The following NAV3 variants were observed in gnomAD, a reference collection of about 807,000 sequenced individuals.
The protein encoded by NAV3 is neuron navigator 3.
Under a neutral mutation model 244.7 loss-of-function variants are expected in NAV3, and 87 were observed. The ratio of observed to expected loss-of-function variants is 0.36; its 90% CI spans 0.30 to 0.42. The LOEUF (loss-of-function observed/expected upper bound fraction) is 0.42, where lower values mean the gene tolerates loss of function less well. Among genes scored for constraint, NAV3 ranks in the 20% least tolerant of loss-of-function variants. The pLI is 1.00. For synonymous variants in NAV3, 1,126 were observed against 1,042.2 expected (o/e 1.08, Z -1.55); for missense variants, 2,663 against 2,893.3 (o/e 0.92, Z 1.83).
intron 3 of NAV3, among the ~76,000 whole-genome samples, chr12:77,943,655 G>C (rs554608422): frequency 2.6e-5 from 4 of 152,172 alleles, no homozygotes; most frequent in Non-Finnish European, 5.9e-5. Flanking sequence ...ACTCCAAACA[G>C]GATGTTGCCT....
rs142165953 is a variant in NAV3 at position 77,746,406 on chromosome 12, G to A, written c.72+174140G>A. ...ACCTGTTTCGTATAAACAGTGATGAGGGCATTGTAAAAATGGGTTTCCTGG... is the reference window on the plus strand; with the variant it reads ...ACCTGTTTCGTATAAACAGTGATGAAGGCATTGTAAAAATGGGTTTCCTGG... On this transcript the variant is annotated intron_variant, in intron 2 of 8. Coordinates refer to the NAV3 transcript ENST00000550042. Among the ~76,000 whole-genome samples, 4 of 152,216 alleles carry A rather than the reference G, an allele frequency of 2.6e-5. No homozygotes were observed. The East Asian group carries it at 7.7e-4, about 29-fold the overall frequency.
chr12:78,007,137 A>G lies in NAV3; in HGVS notation c.1599A>G (p.Lys533=), dbSNP rs2136588129. The stretch of plus-strand genomic sequence containing the variant: ...GTGGTATTCCAAAACCAGGCTCTAA[A>G]GTTCCAACAGTAAAGCAAACCATTT... ...SSSGIPKPGS[K]VPTVKQTISP... Residue 533 remains lysine, a synonymous_variant, in exon 8 of 40, where the codon AAA becomes AAG. Coordinates refer to ENST00000397909, the MANE Select transcript of NAV3 (RefSeq NM_001024383.2). 6.2e-7 allele frequency: 1 copy of G among 1,614,138 alleles called. No homozygotes were observed. Among genetic ancestry groups the G allele is most frequent in the Non-Finnish European group, 8.5e-7 (1 of 1,180,032 alleles).
chr12:77,612,737 A>G (rs1870971493), intron 2 of NAV3, among the ~76,000 whole-genome samples: 2 of 152,006 alleles, frequency 1.3e-5, no homozygotes, highest in Non-Finnish European at 2.9e-5. Flanking sequence ...TAAAATGCCA[A>G]CCCCTTCAGT....
intron 4 of NAV3, 21 bp from the exon 5 acceptor site, chr12:77,968,498 T>C (rs767152967): frequency 2.5e-6 from 4 of 1,582,432 alleles, no homozygotes; most frequent in Admixed American, 1.7e-5. Context: ...ATTCTTTTTT[T>C]GTATTTTTCA....
intron 12 of NAV3, among the ~76,000 whole-genome samples, chr12:78,110,191 A>C (rs1050509391): frequency 6.6e-6 from 1 of 152,092 alleles, no homozygotes; most frequent in African/African-American, 2.4e-5. Flanking sequence ...GATCCCATTT[A>C]AATTAGCTAC....
chr12:77,903,017 T>C (rs1284705440), intron 1 of NAV3, among the ~76,000 whole-genome samples: 1 of 152,190 alleles, frequency 6.6e-6, no homozygotes, highest in Non-Finnish European at 1.5e-5. Flanking sequence ...TGGAAGCACA[T>C]TCCATGCTCA....
rs542053272 is a variant in NAV3, at chr12:78,090,162, T to C, written c.2637-26610T>C. On this transcript the variant is annotated intron_variant, in intron 12 of 39. Coordinates refer to ENST00000397909, the MANE Select transcript of NAV3 (RefSeq NM_001024383.2). ...TCCTCCCCCTGCCCAAATACATACA[T>C]ATATATATGTGTAAATATATATGTG... Among the ~76,000 whole-genome samples the C allele has an allele frequency of 1.7e-4, 25 of 150,160 alleles. No homozygotes were observed. The South Asian group carries it at 4.8e-3, about 29-fold the overall frequency.
At chr12:77,575,637 T>C (rs1869046125) in intron 2 of NAV3, among the ~76,000 whole-genome samples, 1 of 152,136 alleles carries the variant, frequency 6.6e-6, no homozygotes, top group South Asian at 2.1e-4. Context: ...CAGTGAAAGC[T>C]CAATAGTTAC....
At chr12:78,024,426 T>C (rs1459327344) in intron 9 of NAV3, among the ~76,000 whole-genome samples, 2 of 152,180 alleles carry the variant, frequency 1.3e-5, no homozygotes, top group African/African-American at 4.8e-5. Flanking sequence ...TTTTCTCAAA[T>C]GTCCGACATC....
chr12:78,125,067 C>A (rs988844348), intron 16 of NAV3, among the ~76,000 whole-genome samples: 4 of 152,036 alleles, frequency 2.6e-5, no homozygotes, highest in Non-Finnish European at 5.9e-5. Context: ...CTTTCAAGTA[C>A]ATTTAAGAAA....
intron 2 of NAV3, among the ~76,000 whole-genome samples, chr12:77,634,723 A>C (rs11106054): frequency 6.6e-6 from 1 of 152,252 alleles, no homozygotes; most frequent in East Asian, 1.9e-4. Flanking sequence ...CTTATGTATT[A>C]AAAAAATTCA....
chr12:77,620,355 T>G (rs1020773549), intron 2 of NAV3, among the ~76,000 whole-genome samples: 72 of 152,336 alleles, frequency 4.7e-4, no homozygotes, highest in African/African-American at 1.7e-3. Context: ...ATGCTGGACA[T>G]AGTTGCTGAG....
chr12:78,083,817 C>T (rs528378548), intron 12 of NAV3, among the ~76,000 whole-genome samples: 5 of 152,244 alleles, frequency 3.3e-5, no homozygotes, highest in African/African-American at 9.6e-5. Context: ...ATACTTAACT[C>T]GTCAGAATCC....
intron 5 of NAV3, among the ~76,000 whole-genome samples, chr12:77,971,530 C>T (rs2138048951): frequency 6.6e-6 from 1 of 151,940 alleles, no homozygotes; most frequent in African/African-American, 2.4e-5. Context: ...GTGGACTTAC[C>T]TGTAGCAATC....
intron 2 of NAV3, among the ~76,000 whole-genome samples, chr12:77,815,232 A>G (rs1157236236): frequency 6.6e-6 from 1 of 152,204 alleles, no homozygotes; most frequent in Admixed American, 6.5e-5. Flanking sequence ...TTAACTTAGT[A>G]TAGTCTTAAT....
At chr12:77,903,303 C>T (rs1195408845) in intron 1 of NAV3, among the ~76,000 whole-genome samples, 5 of 152,032 alleles carry the variant, frequency 3.3e-5, no homozygotes, top group Admixed American at 2.0e-4. Context: ...GAGATATAGA[C>T]CAATGGAACA....
intron 5 of NAV3, among the ~76,000 whole-genome samples, chr12:77,987,852 G>GT (rs765132447): frequency 2.9e-4 from 44 of 152,246 alleles, no homozygotes; most frequent in Admixed American, 1.5e-3. Flanking sequence ...GAAGGAAGGA[G>GT]TCGATTATAT....
intron 7 of NAV3, among the ~76,000 whole-genome samples, chr12:78,005,577 G>A (rs937370203): frequency 2.0e-5 from 3 of 152,220 alleles, no homozygotes; most frequent in Non-Finnish European, 4.4e-5. Flanking sequence ...CAAGTATCAT[G>A]TGTGCACATT....
intron 18 of NAV3, among the ~76,000 whole-genome samples, chr12:78,129,995 A>C (rs1397388521): frequency 6.6e-6 from 1 of 152,192 alleles, no homozygotes; most frequent in Non-Finnish European, 1.5e-5. Flanking sequence ...TAGATTTTTG[A>C]AGACCTGAAA....
Sources: gnomAD v4.1 joint callset for allele counts (sites outside exome capture counted in the v4.1 genomes callset) on GRCh38, gnomAD v4.1.1 for gene constraint, MANE v1.5 for transcripts, NCBI Gene and HGNC (gene_info 2026-07-23, HGNC 2026-07-21) for gene names.